The following URGCP variants were observed in gnomAD, a reference collection of about 807,000 sequenced individuals.
URGCP encodes up-regulator of cell proliferation.
Under a neutral mutation model 24.6 loss-of-function variants are expected in URGCP, and 13 were observed. The observed-to-expected ratio is 0.53, with a 90% CI of 0.34 to 0.84. The LOEUF is 0.84. URGCP is among the 40% of genes least tolerant of loss of function. The pLI is 0.01. For missense variants in URGCP, 899 were observed against 1,194.3 expected, an observed-to-expected ratio of 0.75 and a Z score of 3.64; for synonymous variants, 444 against 487.2, an observed-to-expected ratio of 0.91 and a Z score of 1.17.
At chr7:43,898,298 A>G (rs1374700917) in intron 1 of URGCP, among the ~76,000 whole-genome samples, 1 of 152,268 alleles carries the variant, frequency 6.6e-6, no homozygotes, top group Non-Finnish European at 1.5e-5. Context: ...GGGGACATAC[A>G]AAGTTAAAAT....
Position 43,878,834 on chromosome 7 carries a change from T to C in URGCP, c.629A>G (p.Gln210Arg). ...AGGCAACACGAGTGGGAGTGCAAACTGGCAGAGGGCCATTTTCAACGCTAT... is the reference window on the plus strand; with the variant it reads ...AGGCAACACGAGTGGGAGTGCAAACCGGCAGAGGGCCATTTTCAACGCTAT... ...QEIALKMALC[Q>R]FALPLVLPDS... The change falls in exon 6 of 6, where the codon CAG becomes CGG. Residue 210 changes from glutamine (Q) to arginine (R), a missense_variant. By Grantham distance (43) the Gln-to-Arg change is conservative. Transcript: ENST00000453200. This position sits in a 1 kb window ranked among gnomAD's most constrained non-coding sequence, Gnocchi z 5.6. 1 of 1,614,156 alleles carries C rather than the reference T, an allele frequency of 6.2e-7. No homozygotes were observed. Among genetic ancestry groups the C allele is most frequent in the Non-Finnish European group, 8.5e-7 (1 of 1,180,008 alleles).
chr7:43,911,685 G>A (rs2095910346), intron 1 of URGCP, among the ~76,000 whole-genome samples: 5 of 152,150 alleles, frequency 3.3e-5, no homozygotes, highest in Admixed American at 3.3e-4. Context: ...CAACAAGAGT[G>A]AAACTCTGTC....
chr7:43,881,123 G>A (rs1562573626), intron 5 of URGCP: 1 of 695,624 alleles, frequency 1.4e-6, no homozygotes, highest in South Asian at 1.5e-5. Context: ...ATGAAACTAG[G>A]AACATTGTTT....
chr7:43,916,555 A>C (rs935886475), intron 1 of URGCP, among the ~76,000 whole-genome samples: 9 of 152,210 alleles, frequency 5.9e-5, no homozygotes, highest in Non-Finnish European at 1.2e-4. Context: ...ACAGGTAAGC[A>C]TGACTAATTT....
chr7:43,917,560 T>A (rs1474862036), intron 1 of URGCP, among the ~76,000 whole-genome samples: 2 of 152,228 alleles, frequency 1.3e-5, no homozygotes, highest in East Asian at 3.8e-4. Context: ...GCTTAGGGAA[T>A]GAGTCCTTTC....
chr7:43,926,447 CGTGCAGCT>C (rs2095930652), upstream of URGCP: 5 of 1,219,196 alleles, frequency 4.1e-6, no homozygotes, highest in Non-Finnish European at 5.3e-6. Flanking sequence ...CGGCTCCCGG[CGTGCAGCT>C]TGGTGGCGGC....
chr7:43,879,603 G>A, intron 5 of URGCP: 1 of 222,030 alleles, frequency 4.5e-6, no homozygotes, highest in South Asian at 9.5e-5. Flanking sequence ...ATCTAACACT[G>A]AGCTCAAAAT....
At chr7:43,881,177 T>C in intron 5 of URGCP, 1 of 702,522 alleles carries the variant, frequency 1.4e-6, no homozygotes, top group Middle Eastern at 2.3e-4. Context: ...TTAAGTAGCA[T>C]GGTAGTAAAA....
At chr7:43,906,448 G>A in intron 1 of URGCP, 114 bp downstream of exon 1, 1 of 1,043,886 alleles carries the variant, frequency 9.6e-7, no homozygotes, top group Non-Finnish European at 1.2e-6. Context: ...GGGCGCCCCT[G>A]GCCGGGTCCG....
chr7:43,924,682 A>C (rs2095926558), intron 1 of URGCP, among the ~76,000 whole-genome samples: 1 of 152,200 alleles, frequency 6.6e-6, no homozygotes, highest in South Asian at 2.1e-4. Context: ...TGAATGCTCT[A>C]GTCAAGGAAT....
intron 1 of URGCP, among the ~76,000 whole-genome samples, chr7:43,893,544 T>C (rs1308490645): frequency 6.6e-6 from 1 of 152,052 alleles, no homozygotes; most frequent in Non-Finnish European, 1.5e-5. Context: ...AGAAACTCAC[T>C]TCACCTATAA....
intron 1 of URGCP, chr7:43,888,267 T>A (rs2095864991): frequency 6.5e-6 from 1 of 153,282 alleles, no homozygotes; most frequent in African/African-American, 2.4e-5. Flanking sequence ...TTTGGAAGGC[T>A]GAGGCGGGCG....
chr7:43,895,741 G>A (rs1012853258), intron 1 of URGCP, among the ~76,000 whole-genome samples: 1 of 152,192 alleles, frequency 6.6e-6, no homozygotes, highest in African/African-American at 2.4e-5. Context: ...TATACACTGT[G>A]GGAATGTAAG....
intron 1 of URGCP, among the ~76,000 whole-genome samples, chr7:43,893,784 T>C (rs776744728): frequency 6.6e-6 from 1 of 152,168 alleles, no homozygotes; most frequent in African/African-American, 2.4e-5. Flanking sequence ...GGCAGGAGAA[T>C]TGCTTGAACC....
At position 43,878,846 on chromosome 7, in the gene URGCP, A is replaced by G. The variant is rs2095849696; in HGVS notation, c.617T>C (p.Met206Thr). ...TGGGAGTGCAAACTGGCAGAGGGCC[A>G]TTTTCAACGCTATTTCTTGTTGCAG... ...SFLQQEIALK[M>T]ALCQFALPLV... Residue 206 changes from methionine to threonine, a missense_variant, in exon 6 of 6, where the codon ATG becomes ACG. Met to Thr is a moderately conservative substitution (Grantham distance 81, BLOSUM62 -1). Coordinates refer to ENST00000453200, the MANE Select transcript of URGCP (RefSeq NM_001077663.3). This position sits in a 1 kb window ranked among gnomAD's most constrained non-coding sequence, Gnocchi z 5.6. 2 of 1,614,020 alleles carry G rather than the reference A, an allele frequency of 1.2e-6. No individual in the cohort carries two copies. The highest frequency in any genetic ancestry group is 2.7e-5 in the African/African-American group (2 of 74,934).
intron 1 of URGCP, among the ~76,000 whole-genome samples, chr7:43,901,761 G>A (rs1005544790): frequency 3.3e-5 from 5 of 152,198 alleles, no homozygotes; most frequent in Non-Finnish European, 7.3e-5. Context: ...AGACCAGGCC[G>A]GGCCTCCAGT....
At chr7:43,918,895 TG>T in intron 1 of URGCP, 1 of 1,409,472 alleles carries the variant, frequency 7.1e-7, no homozygotes, top group Non-Finnish European at 1.0e-6. Context: ...GCTGTGCTGC[TG>T]GACCTGGAGC....
chr7:43,926,686 C>A, upstream of URGCP: 1 of 969,806 alleles, frequency 1.0e-6, no homozygotes, highest in South Asian at 2.1e-5. Context: ...GGGAAGGAGG[C>A]AGAACAGCCT....
chr7:43,896,425 A>AGCCTGG (rs980063578), intron 1 of URGCP, among the ~76,000 whole-genome samples: 2 of 150,674 alleles, frequency 1.3e-5, no homozygotes, highest in African/African-American at 4.9e-5. Flanking sequence ...ACGACAATCC[A>AGCCTGG]GCCTGGGCGA....
Sources: allele counts gnomAD v4.1 joint callset (sites outside exome capture counted in the v4.1 genomes callset), GRCh38; gene constraint gnomAD v4.1.1; non-coding constraint Gnocchi (gnomAD v3.1); transcripts MANE v1.5; gene names NCBI Gene and HGNC (gene_info 2026-07-23, HGNC 2026-07-21).